The following ZNF451 variants were observed in gnomAD, a reference collection of about 807,000 sequenced individuals.
ZNF451 encodes E3 SUMO-protein ligase ZNF451.
Under a neutral mutation model 107.1 loss-of-function variants are expected in ZNF451, and 80 were observed. That is an observed-to-expected ratio of 0.75 (90% confidence interval 0.62 to 0.90). ZNF451 has a LOEUF of 0.90. ZNF451 is among the 40% of genes least tolerant of loss of function. The pLI is 0.00. For synonymous variants in ZNF451, 362 were observed against 406.5 expected (o/e 0.89, Z 1.32); for missense variants, 1,107 against 1,236.2 (o/e 0.90, Z 1.57).
At chr6:57,103,617 C>T (rs1036957807) in intron 3 of ZNF451, 5 of 985,290 alleles carry the variant, frequency 5.1e-6, no homozygotes, top group Non-Finnish European at 4.8e-6. Context: ...AATACATCAC[C>T]TAGTATTATT....
chr6:57,168,000 TTAAAC>T (rs1157409955), intron 14 of ZNF451, among the ~76,000 whole-genome samples: 6 of 152,202 alleles, frequency 3.9e-5, no homozygotes, highest in Non-Finnish European at 8.8e-5. Flanking sequence ...TAATTAAAAA[TTAAAC>T]TAAATTTTTA....
chr6:57,134,520 T>C (rs1314499489), intron 6 of ZNF451, among the ~76,000 whole-genome samples: 1 of 152,206 alleles, frequency 6.6e-6, no homozygotes, highest in African/African-American at 2.4e-5. Context: ...TTAGTACATA[T>C]GAAATCTTGC....
chr6:57,148,417 GAA>G lies in ZNF451; in HGVS notation c.2335_2336del (p.Lys779GlufsTer2). ...CACTCATATCCATCAAGTGCACAAAGAAAAGAGTGATGAGGAGGAGCAGCAGT... is the reference window on the plus strand; with the variant it reads ...CACTCATATCCATCAAGTGCACAAAGAAGAGTGATGAGGAGGAGCAGCAGT... The part of the protein sequence containing the change: ...MNTHIHQVHK[E>X]KSDEEEQQYV... On this transcript the variant is annotated frameshift_variant, in exon 10 of 15. Coordinates refer to ENST00000370706, the MANE Select transcript of ZNF451 (RefSeq NM_001031623.3). LOFTEE classifies it high-confidence loss of function. The G allele has an allele frequency of 6.2e-7, 1 of 1,613,884 alleles. No homozygotes were observed. The highest frequency in any genetic ancestry group is 8.5e-7 in the Non-Finnish European group (1 of 1,179,892).
chr6:57,096,767 CTTTTTTTTTTTTTT>C (rs772840052), intron 2 of ZNF451, among the ~76,000 whole-genome samples: 1 of 79,932 alleles, frequency 1.3e-5, no homozygotes, highest in Non-Finnish European at 2.5e-5. Context: ...AATTTTCAGT[CTTTTTTTTTTTTTT>C]TTTTTTTTTT....
At chr6:57,139,780 T>C (rs1054477904) in intron 7 of ZNF451, among the ~76,000 whole-genome samples, 2 of 152,216 alleles carry the variant, frequency 1.3e-5, no homozygotes, top group Non-Finnish European at 2.9e-5. Flanking sequence ...CAGTGGCTTA[T>C]GCCTGTAATC....
intron 3 of ZNF451, among the ~76,000 whole-genome samples, chr6:57,117,305 A>G (rs1339634212): frequency 7.0e-6 from 1 of 141,874 alleles, no homozygotes; most frequent in Non-Finnish European, 1.5e-5. Flanking sequence ...CGGGCACTCA[A>G]AAAGTTTTGG....
At chr6:57,113,622 T>A (rs1307581940) in intron 3 of ZNF451, among the ~76,000 whole-genome samples, 2 of 145,876 alleles carry the variant, frequency 1.4e-5, no homozygotes, top group Admixed American at 6.9e-5. Context: ...AAAAAAAAAT[T>A]TTTTTTTTTT....
chr6:57,103,569 C>A lies in ZNF451; in HGVS notation c.186+4428C>A, dbSNP rs1829706990. The A allele has an allele frequency of 9.1e-6, 9 of 985,242 alleles. No individual in the cohort carries two copies. The South Asian group carries it at 3.8e-4, about 41-fold the overall frequency. 61.0% of individuals were successfully genotyped at this position (985,242 alleles called of 1,614,324 possible). A position where few individuals can be genotyped will look rare whatever the true frequency, so the allele number is the denominator to read the frequency against. ...TTAGATCCATGTCTTCACAGCATGA[C>A]ATCAGGAATGGAGAATATGTCAAAT... On this transcript the variant is annotated intron_variant, in intron 3 of 14. Transcript: ENST00000370706.
chr6:57,109,768 G>A (rs1375547544), intron 3 of ZNF451: 3 of 886,608 alleles, frequency 3.4e-6, no homozygotes, highest in Non-Finnish European at 2.7e-6. Context: ...AATAAAATAA[G>A]AGAATGTAGA....
At chr6:57,093,375 T>C (rs1215593753) in intron 2 of ZNF451, among the ~76,000 whole-genome samples, 2 of 152,214 alleles carry the variant, frequency 1.3e-5, no homozygotes, top group Non-Finnish European at 1.5e-5. Flanking sequence ...ATTAATACTT[T>C]AGCTGCAGAA....
At chr6:57,149,486 C>T (rs1832245719) in intron 10 of ZNF451, among the ~76,000 whole-genome samples, 1 of 152,120 alleles carries the variant, frequency 6.6e-6, no homozygotes, top group African/African-American at 2.4e-5. Context: ...CTTAAGCAAT[C>T]CTCCTGTTTT....
At chr6:57,101,190 C>T in intron 3 of ZNF451, 1 of 1,550,842 alleles carries the variant, frequency 6.4e-7, no homozygotes, top group Non-Finnish European at 8.7e-7. Flanking sequence ...AATCTAGTTT[C>T]ACAGGTCTTT....
At chr6:57,148,811 T>C (rs1388189070) in intron 10 of ZNF451, 118 bp downstream of exon 10, 15 of 939,174 alleles carry the variant, frequency 1.6e-5, no homozygotes, top group South Asian at 3.7e-5. Flanking sequence ...ATGTTAATTA[T>C]TATGGTATAT....
At position 57,148,028 on chromosome 6, in the gene ZNF451, T is replaced by C. The variant is rs140090111; in HGVS notation, c.1943T>C (p.Ile648Thr). 20 of 1,614,116 alleles carry C rather than the reference T, an allele frequency of 1.2e-5. No individual in the cohort carries two copies. Among genetic ancestry groups the C allele is most frequent in the Non-Finnish European group, 1.7e-5 (20 of 1,179,974 alleles). The change falls in exon 10 of 15, where the codon ATA (isoleucine) becomes ACA (threonine). Residue 648 changes from isoleucine to threonine, a missense_variant. Coordinates refer to ENST00000370706, the MANE Select transcript of ZNF451 (RefSeq NM_001031623.3). ...CAHCRKPFHK[I>T]ETLYRHCQDE... ...CACTGCAGAAAGCCTTTTCATAAGATAGAAACATTGTACCGACATTGCCAA... is the reference window on the plus strand; with the variant it reads ...CACTGCAGAAAGCCTTTTCATAAGACAGAAACATTGTACCGACATTGCCAA...
In ZNF451 at chr6:57,168,587, T is replaced by C. The variant is rs1764005908; in HGVS notation, c.*118T>C. On this transcript the variant is annotated 3_prime_UTR_variant, in exon 15 of 15. Coordinates refer to ENST00000370706, the MANE Select transcript of ZNF451 (RefSeq NM_001031623.3). ...TATTACAAATGTATTTGAAAACATG[T>C]TTTTGCTTTCATATGTTCAAAATCT... The C allele has an allele frequency of 1.9e-5, 16 of 833,554 alleles. No homozygotes were observed. Among genetic ancestry groups the C allele is most frequent in the Non-Finnish European group, 2.7e-5 (14 of 519,198 alleles). 51.6% of individuals were successfully genotyped at this position (833,554 alleles called of 1,614,324 possible).
rs370642583 is a variant in ZNF451, at chr6:57,152,281, T to C, written c.2813T>C (p.Ile938Thr). 3.7e-6 allele frequency: 6 copies of C among 1,613,960 alleles called. No homozygotes were observed. Among genetic ancestry groups the C allele is most frequent in the Non-Finnish European group, 5.1e-6 (6 of 1,179,960 alleles). ...NCKIYNYLNR[I>T]GCFFLHPRCS... ...AAGATTTATAACTACCTGAACAGGA[T>C]TGGATGCTTCTTCCTTCATCCTCGC... The change falls in exon 12 of 15, where the codon ATT becomes ACT. Residue 938 changes from isoleucine (I) to threonine (T), a missense_variant. Ile to Thr is a moderately conservative substitution (Grantham distance 89). Around this residue, in one of 5 missense-constraint regions of ZNF451, gnomAD observed 151 missense variants for 173.3 expected, o/e 0.87. Transcript: ENST00000370706.
At chr6:57,102,995 A>C in intron 3 of ZNF451, 1 of 985,440 alleles carries the variant, frequency 1.0e-6, no homozygotes, top group South Asian at 4.7e-5. Flanking sequence ...CCTTTCACCA[A>C]GATGGCCTTC....
At chr6:57,165,804 T>G (rs1386876362) in intron 14 of ZNF451, 1 of 152,230 alleles carries the variant, frequency 6.6e-6, no homozygotes, top group Non-Finnish European at 1.5e-5. Flanking sequence ...TGCTGAATAC[T>G]GTAGACATTG....
intron 13 of ZNF451, among the ~76,000 whole-genome samples, chr6:57,157,271 A>G (rs1389696811): frequency 1.3e-5 from 2 of 152,192 alleles, no homozygotes; most frequent in African/African-American, 4.8e-5. Context: ...TCTTTTGAAT[A>G]TTGTTATCAG....
Sources: allele counts gnomAD v4.1 joint callset (sites outside exome capture counted in the v4.1 genomes callset), GRCh38; gene constraint gnomAD v4.1.1; regional missense constraint gnomAD v4.1.1; transcripts MANE v1.5; gene names NCBI Gene and HGNC (gene_info 2026-07-23, HGNC 2026-07-21).